Variants in SERPINB6 observed in about 807,000 individuals in gnomAD.
The protein encoded by SERPINB6 is serpin B6.
A neutral mutation model predicts 26.1 loss-of-function variants in SERPINB6; 16 were observed. The ratio of observed to expected loss-of-function variants is 0.61; its 90% confidence interval spans 0.42 to 0.93. The LOEUF (loss-of-function observed/expected upper bound fraction) is 0.93. Ranked by LOEUF, SERPINB6 falls within the 40% of genes least tolerant of loss-of-function variation. SERPINB6 has a pLI of 0.00. For synonymous variants in SERPINB6, 174 were observed against 176.6 expected (o/e 0.99, Z 0.11); for missense variants, 420 against 478.0 (o/e 0.88, Z 1.13).
At chr6:2,963,595 G>C (rs145600446) in intron 1 of SERPINB6, 2 of 152,380 alleles carry the variant, frequency 1.3e-5, no homozygotes, top group East Asian at 3.9e-4. Flanking sequence ...ACAAAGACAG[G>C]CAATCCTTCT....
At chr6:2,965,671 C>T (rs1441335438) in intron 1 of SERPINB6, among the ~76,000 whole-genome samples, 4 of 152,104 alleles carry the variant, frequency 2.6e-5, no homozygotes. Context: ...ATTTCTATAC[C>T]TGTACTTATG....
chr6:2,969,041 C>T (rs1389715152), intron 1 of SERPINB6: 1 of 1,184,182 alleles, frequency 8.4e-7, no homozygotes, highest in Non-Finnish European at 1.0e-6. Context: ...TTCATTATCA[C>T]TTCGCAATAA....
At chr6:2,962,531 C>T (rs756310206) in intron 1 of SERPINB6, among the ~76,000 whole-genome samples, 16 of 152,170 alleles carry the variant, frequency 1.1e-4, no homozygotes, top group Admixed American at 5.9e-4. Flanking sequence ...ATCTGGGTTC[C>T]CTTCCATCTC....
chr6:2,951,700 C>G (rs941639902), intron 5 of SERPINB6, among the ~76,000 whole-genome samples: 2 of 152,188 alleles, frequency 1.3e-5, no homozygotes, highest in Non-Finnish European at 2.9e-5. Flanking sequence ...CACCTCTGGC[C>G]TCAGGCTGGT....
At chr6:2,971,655 C>T (rs1026617749), upstream of SERPINB6, 3 of 152,004 alleles carry the variant, frequency 2.0e-5, no homozygotes, top group South Asian at 6.2e-4. Flanking sequence ...CCGTCCGGAG[C>T]GCGAAGGGAG....
rs562086124 is a variant in SERPINB6, at chr6:2,952,243, A to C, written c.573+801T>G. On this transcript the variant is annotated intron_variant, in intron 5 of 6. Coordinates refer to ENST00000380539, the MANE Select transcript of SERPINB6 (RefSeq NM_004568.6). ...AAATAATTCTTTCTGAATTGCGAGG[A>C]GAACAGACAATGAAAATAAATTTCT... Among the ~76,000 whole-genome samples the C allele has an allele frequency of 1.8e-3, 276 of 152,268 alleles. 1 individual carries two copies. Among genetic ancestry groups the C allele is most frequent in the Non-Finnish European group, 3.5e-3 (237 of 68,046 alleles).
intron 1 of SERPINB6, chr6:2,968,568 T>G: frequency 8.3e-7 from 1 of 1,200,924 alleles, no homozygotes; most frequent in Non-Finnish European, 1.0e-6. Flanking sequence ...CCTTCTATAC[T>G]AATTCTTTGG....
At chr6:2,961,486 G>C (rs1240590560) in intron 1 of SERPINB6, among the ~76,000 whole-genome samples, 2 of 152,038 alleles carry the variant, frequency 1.3e-5, no homozygotes, top group African/African-American at 2.4e-5. Flanking sequence ...GCCTATTTTT[G>C]GTTCTTTGGA....
chr6:2,962,846 C>T (rs1393971298), intron 1 of SERPINB6, among the ~76,000 whole-genome samples: 1 of 152,198 alleles, frequency 6.6e-6, no homozygotes, highest in Non-Finnish European at 1.5e-5. Flanking sequence ...ACTTCCCATG[C>T]TTCCTTAACA....
intron 5 of SERPINB6, among the ~76,000 whole-genome samples, chr6:2,949,630 T>C (rs867956450): frequency 2.0e-5 from 3 of 152,238 alleles, no homozygotes; most frequent in Non-Finnish European, 4.4e-5. Context: ...ATCTGACCTG[T>C]TCCTTCTGCC....
In SERPINB6 at chr6:2,959,326, C is replaced by T. The variant is rs749581042; in HGVS notation, c.7G>A (p.Val3Ile). The T allele has an allele frequency of 1.2e-6, 2 of 1,614,152 alleles. No individual in the cohort carries two copies. Among genetic ancestry groups the T allele is most frequent in the Non-Finnish European group, 1.7e-6 (2 of 1,180,036 alleles). Residue 3 changes from valine to isoleucine, a missense_variant, in exon 2 of 7, where the codon GTT (valine) becomes ATT (isoleucine). By Grantham distance (29) the Val-to-Ile change is conservative (BLOSUM62 3). Coordinates refer to ENST00000380539, the MANE Select transcript of SERPINB6 (RefSeq NM_004568.6). The part of the protein sequence containing the change: MD[V>I]LAEANGTFAL... ...AAGGTGCCATTTGCTTCTGCGAGAA[C>T]ATCCATGATGGCAGACCTGGAACAA...
At chr6:2,970,813 G>GT in intron 1 of SERPINB6, 2 of 1,230,640 alleles carry the variant, frequency 1.6e-6, no homozygotes, top group African/African-American at 3.1e-5. Context: ...ATCAAAGCCT[G>GT]TAATAGTTTG....
intron 4 of SERPINB6, among the ~76,000 whole-genome samples, chr6:2,953,750 G>T (rs961269930): frequency 6.6e-6 from 1 of 152,160 alleles, no homozygotes; most frequent in Admixed American, 6.5e-5. Context: ...CAGGAGGACC[G>T]CTTGAGCACA....
chr6:2,966,497 G>A, intron 1 of SERPINB6: 5 of 720,022 alleles, frequency 6.9e-6, no homozygotes, highest in Non-Finnish European at 5.1e-6. Flanking sequence ...ATCACCGCCT[G>A]AGCTCCACCT....
rs769884977 is a variant in SERPINB6 at position 2,948,399 on chromosome 6, TG to T, written c.1029del (p.Arg344AspfsTer?). On this transcript the variant is annotated frameshift_variant, in exon 7 of 7. Coordinates refer to ENST00000380539, the MANE Select transcript of SERPINB6 (RefSeq NM_004568.6). LOFTEE classifies it low-confidence loss of function (END_TRUNC). This position sits in a 1 kb window ranked among gnomAD's most constrained non-coding sequence, Gnocchi z 5.0. ...ATAAIMMMRC[A>X]RFVPRFCADH... Reference sequence around the variant, plus strand: ...TCGGCGCAGAAGCGGGGGACGAATCTGGCACACCGCATCATCATGATGGCAG... The same window carrying T: ...TCGGCGCAGAAGCGGGGGACGAATCTGCACACCGCATCATCATGATGGCAG... The T allele has an allele frequency of 3.7e-6, 6 of 1,614,204 alleles. No homozygotes were observed. Among genetic ancestry groups the T allele is most frequent in the Non-Finnish European group, 5.1e-6 (6 of 1,180,034 alleles).
chr6:2,971,383 G>C, intron 1 of SERPINB6, 150 bp downstream of exon 1: 1 of 174,566 alleles, frequency 5.7e-6, no homozygotes, highest in Non-Finnish European at 1.1e-5. Context: ...CGGGGCTCCA[G>C]CGTCCCCGCG....
chr6:2,969,619 T>C, intron 1 of SERPINB6: 1 of 985,346 alleles, frequency 1.0e-6, no homozygotes. Flanking sequence ...AATCAAGTCT[T>C]AATTTTTTTT....
chr6:2,958,853 C>T (rs752373537), intron 2 of SERPINB6, among the ~76,000 whole-genome samples: 4 of 152,120 alleles, frequency 2.6e-5, no homozygotes, highest in Non-Finnish European at 4.4e-5. Context: ...TGACAGTACC[C>T]AAAGATCATC....
chr6:2,962,208 G>GA, intron 1 of SERPINB6: 1 of 985,486 alleles, frequency 1.0e-6, no homozygotes, highest in Non-Finnish European at 1.2e-6. Flanking sequence ...GGCCAGCCCA[G>GA]GTTACACCAT....
Sources: allele counts gnomAD v4.1 joint callset (sites outside exome capture counted in the v4.1 genomes callset), GRCh38; gene constraint gnomAD v4.1.1; non-coding constraint Gnocchi (gnomAD v3.1); transcripts MANE v1.5; gene names NCBI Gene and HGNC (gene_info 2026-07-23, HGNC 2026-07-21).